The following CPXM2 variants were observed in gnomAD, a reference collection of about 807,000 sequenced individuals.
The protein encoded by CPXM2 is inactive carboxypeptidase-like protein X2.
Under a neutral mutation model 86.1 loss-of-function variants are expected in CPXM2, and 66 were observed. The observed-to-expected ratio is 0.77, with a 90% CI of 0.63 to 0.94. The LOEUF (loss-of-function observed/expected upper bound fraction) is 0.94. Among genes scored for constraint, CPXM2 ranks in the 40% least tolerant of loss-of-function variants. CPXM2 has a pLI of 0.00. For synonymous variants in CPXM2, 388 were observed against 400.2 expected (o/e 0.97, Z 0.36); for missense variants, 948 against 1,026.3 (o/e 0.92, Z 1.04).
At chr10:123,751,463 A>ACGTGGGCAAACAC (rs1846074459) in intron 13 of CPXM2, 2 of 974,040 alleles carry the variant, frequency 2.1e-6, no homozygotes, top group Non-Finnish European at 2.4e-6. Flanking sequence ...CTTTCCTTAT[A>ACGTGGGCAAACAC]ATTTCTCCCG....
rs551320502 is a variant in CPXM2 at position 123,803,819 on chromosome 10, G to T, written c.654-4620C>A. The stretch of plus-strand genomic sequence containing the variant: ...TGGGACTACAGGCACGTGCCACCAC[G>T]CCCAGCTAATTTTTTGTATTTTTAG... On this transcript the variant is annotated intron_variant, in intron 4 of 13. Coordinates refer to ENST00000241305, the MANE Select transcript of CPXM2 (RefSeq NM_198148.3). 6.5e-4 allele frequency among the ~76,000 whole-genome samples: 99 copies of T among 151,986 alleles called. 1 individual carries two copies. The highest frequency in any genetic ancestry group is 1.2e-3 in the Non-Finnish European group (79 of 67,964).
At chr10:123,845,222 A>T (rs923518637) in intron 3 of CPXM2, among the ~76,000 whole-genome samples, 1 of 152,080 alleles carries the variant, frequency 6.6e-6, no homozygotes, top group African/African-American at 2.4e-5. Context: ...ATGGATGAAA[A>T]CAGTAACCTC....
At chr10:123,914,316 C>T (rs1352700939) in intron 2 of CPXM2, among the ~76,000 whole-genome samples, 1 of 152,216 alleles carries the variant, frequency 6.6e-6, no homozygotes, top group East Asian at 1.9e-4. Flanking sequence ...TTCTCTGCCT[C>T]GTCTTCCTTC....
At chr10:123,931,279 C>A (rs1401452578) in intron 2 of CPXM2, among the ~76,000 whole-genome samples, 2 of 152,172 alleles carry the variant, frequency 1.3e-5, no homozygotes, top group East Asian at 3.9e-4. Flanking sequence ...GCTCAGGTAA[C>A]CTTCTCTGAT....
chr10:123,775,458 C>A (rs1204609597), intron 7 of CPXM2, among the ~76,000 whole-genome samples: 1 of 152,214 alleles, frequency 6.6e-6, no homozygotes, highest in Non-Finnish European at 1.5e-5. Context: ...TACCCTAACC[C>A]CTTCCAATTA....
At chr10:123,923,541 A>G (rs528298351) in intron 2 of CPXM2, among the ~76,000 whole-genome samples, 1 of 151,564 alleles carries the variant, frequency 6.6e-6, no homozygotes, top group African/African-American at 2.4e-5. Flanking sequence ...AGATCGCGCC[A>G]CTGCACTCCA....
rs1945237572 is a variant in CPXM2, at chr10:123,889,792, T to C, written c.304+1564A>G. 2.6e-5 allele frequency among the ~76,000 whole-genome samples: 4 copies of C among 152,090 alleles called. No homozygotes were observed. In the South Asian group the frequency reaches 8.3e-4, roughly 32 times the overall value. On this transcript the variant is annotated intron_variant, in intron 1 of 13. Transcript: ENST00000241305. ...TGGGTGTTAGGCCCAGTCTTCAGAC[T>C]CCCAGTCTGGGGCTCTCTTCCACTT...
At chr10:123,872,782 G>A (rs936252427) in intron 2 of CPXM2, among the ~76,000 whole-genome samples, 7 of 152,010 alleles carry the variant, frequency 4.6e-5, no homozygotes, top group African/African-American at 1.4e-4. Context: ...CCAAAAGAAC[G>A]TTAAAGGAGG....
intron 13 of CPXM2, among the ~76,000 whole-genome samples, chr10:123,747,909 G>A (rs565516990): frequency 1.3e-3 from 170 of 129,232 alleles, no homozygotes; most frequent in African/African-American, 4.9e-3. Flanking sequence ...GCGACAGAGT[G>A]AGACTCTGTC....
chr10:123,929,734 C>T (rs1293257001), intron 2 of CPXM2, among the ~76,000 whole-genome samples: 4 of 152,184 alleles, frequency 2.6e-5, no homozygotes, highest in Admixed American at 2.0e-4. Flanking sequence ...CCTGCTGCCC[C>T]TTTGGTGGTA....
intron 4 of CPXM2, among the ~76,000 whole-genome samples, chr10:123,836,836 C>T (rs1407571902): frequency 6.6e-6 from 1 of 152,038 alleles, no homozygotes; most frequent in Non-Finnish European, 1.5e-5. Flanking sequence ...CCCTCAGGGA[C>T]CTGCCCCATT....
At chr10:123,802,618 C>T (rs11248282) in intron 4 of CPXM2, among the ~76,000 whole-genome samples, 1,591 of 152,230 alleles carry the variant, frequency 0.01, 24 homozygotes, top group African/African-American at 0.034. Context: ...AACATTCCTG[C>T]ATGTATATTT....
chr10:123,813,235 C>G (rs533369782), intron 4 of CPXM2, among the ~76,000 whole-genome samples: 1 of 152,180 alleles, frequency 6.6e-6, no homozygotes, highest in South Asian at 2.1e-4. Flanking sequence ...TTTCTAATAA[C>G]AATTCATCTG....
At chr10:123,875,894 T>C (rs186639364) in intron 2 of CPXM2, among the ~76,000 whole-genome samples, 2 of 147,114 alleles carry the variant, frequency 1.4e-5, no homozygotes, top group African/African-American at 5.0e-5. Flanking sequence ...TTGGCTCACT[T>C]CAACCTCCGC....
At chr10:123,815,707 CCT>C (rs1188931411) in intron 4 of CPXM2, among the ~76,000 whole-genome samples, 9 of 152,182 alleles carry the variant, frequency 5.9e-5, no homozygotes, top group East Asian at 1.9e-4. Context: ...CCCCAACACC[CCT>C]GTTTCCTTCT....
At chr10:123,751,336 T>C (rs182324393) in intron 13 of CPXM2, 2,649 of 206,002 alleles carry the variant, frequency 0.013, 20 homozygotes, top group Non-Finnish European at 0.015. Flanking sequence ...AAGGTTGATA[T>C]CTGGAGACAT....
At chr10:123,880,145 T>TGGGGGGGCCCCC in intron 2 of CPXM2, 66 bp downstream of exon 2, 1 of 407,580 alleles carries the variant, frequency 2.5e-6, no homozygotes, top group Non-Finnish European at 4.8e-6. Flanking sequence ...CAGGGGCCTG[T>TGGGGGGGCCCCC]ACCCACCCAC....
intron 2 of CPXM2, among the ~76,000 whole-genome samples, chr10:123,919,606 A>T (rs1349113306): frequency 6.6e-6 from 1 of 152,254 alleles, no homozygotes; most frequent in Non-Finnish European, 1.5e-5. Flanking sequence ...TGAAACATAC[A>T]AATAGAATTT....
At chr10:123,936,390 A>G (rs1343754286) in intron 2 of CPXM2, among the ~76,000 whole-genome samples, 1 of 152,218 alleles carries the variant, frequency 6.6e-6, no homozygotes, top group East Asian at 1.9e-4. Context: ...AAGATTCCAG[A>G]AGTGTCTGCA....
Sources: gnomAD v4.1 joint callset for allele counts (sites outside exome capture counted in the v4.1 genomes callset) on GRCh38, gnomAD v4.1.1 for gene constraint, MANE v1.5 for transcripts, NCBI Gene and HGNC (gene_info 2026-07-23, HGNC 2026-07-21) for gene names.